The following KDM4B variants were observed in gnomAD, a reference collection of about 807,000 sequenced individuals.
KDM4B encodes lysine-specific demethylase 4B.
A neutral mutation model predicts 125.2 loss-of-function variants in KDM4B; 32 were observed. The ratio of observed to expected loss-of-function variants is 0.26; its 90% CI spans 0.19 to 0.34. The LOEUF (loss-of-function observed/expected upper bound fraction) is 0.34. Among genes scored for constraint, KDM4B ranks in the 10% least tolerant of loss-of-function variants. KDM4B has a pLI of 1.00. For missense variants in KDM4B, 1,190 were observed against 1,577.7 expected, an observed-to-expected ratio of 0.75 and a Z score of 4.16; for synonymous variants, 721 against 677.9, an observed-to-expected ratio of 1.06 and a Z score of -0.99.
chr19:5,091,570 T>G (rs111663449), intron 9 of KDM4B, among the ~76,000 whole-genome samples: 6 of 152,286 alleles, frequency 3.9e-5, no homozygotes, highest in African/African-American at 1.4e-4. Flanking sequence ...ACCAGGCCTC[T>G]CCTAAAACCC....
intron 1 of KDM4B, among the ~76,000 whole-genome samples, chr19:4,986,796 C>T (rs536917375): frequency 6.6e-6 from 1 of 152,298 alleles, no homozygotes; most frequent in East Asian, 1.9e-4. Context: ...GTGCGGAGGC[C>T]CCAAGGCGGA....
At chr19:5,017,676 C>T (rs1456548761) in intron 2 of KDM4B, among the ~76,000 whole-genome samples, 1 of 152,162 alleles carries the variant, frequency 6.6e-6, no homozygotes, top group African/African-American at 2.4e-5. Context: ...TTCTTTGTAC[C>T]CAAATTAACA....
At chr19:5,002,730 T>C (rs1381747950) in intron 1 of KDM4B, among the ~76,000 whole-genome samples, 1 of 151,974 alleles carries the variant, frequency 6.6e-6, no homozygotes, top group Admixed American at 6.6e-5. Context: ...GGAGGATCAC[T>C]TGAGCCCAGG....
At chr19:5,065,261 G>T (rs1158505704) in intron 6 of KDM4B, among the ~76,000 whole-genome samples, 1 of 152,330 alleles carries the variant, frequency 6.6e-6, no homozygotes, top group African/African-American at 2.4e-5. Flanking sequence ...GGCCTGGGCC[G>T]TGTGACCCCA....
chr19:5,081,490 G>A lies in KDM4B; in HGVS notation c.781-877G>A, dbSNP rs1016038060. On this transcript the variant is annotated intron_variant, in intron 8 of 22. Coordinates refer to ENST00000159111, the MANE Select transcript of KDM4B (RefSeq NM_015015.3). This position sits in a 1 kb window ranked among gnomAD's most constrained non-coding sequence, Gnocchi z 4.2. ...CCTGCCTTTTCTTCCAGACCTTGGG[G>A]TGGCTGTTGGGAAACCTTGGGTCTG... Among the ~76,000 whole-genome samples, 1 of 152,148 alleles carries A rather than the reference G, an allele frequency of 6.6e-6. No individual in the cohort carries two copies. The highest frequency in any genetic ancestry group is 1.5e-5 in the Non-Finnish European group (1 of 68,006).
chr19:5,072,858 T>C (rs772617133), intron 7 of KDM4B, among the ~76,000 whole-genome samples: 2 of 152,008 alleles, frequency 1.3e-5, no homozygotes, highest in Non-Finnish European at 2.9e-5. Context: ...CCTTTTCCAG[T>C]GTCTAGAGGC....
intron 1 of KDM4B, among the ~76,000 whole-genome samples, chr19:5,004,596 G>A (rs547947916): frequency 6.6e-5 from 10 of 152,300 alleles, no homozygotes; most frequent in South Asian, 2.1e-4. Flanking sequence ...GTGTGCTGCC[G>A]TGCACGTTTC....
At position 5,103,907 on chromosome 19, in the gene KDM4B, C is replaced by T. The variant is rs763567917; in HGVS notation, c.919-6715C>T. ...GGTGAAGATGGGGCACGGGGGTGCA[C>T]GGCCACCTCCTGTAGAACCAGGGCA... On this transcript the variant is annotated intron_variant, in intron 9 of 22. Transcript: ENST00000159111. Among the ~76,000 whole-genome samples the T allele has an allele frequency of 2.6e-4, 40 of 152,230 alleles. 1 individual carries two copies. The highest frequency in any genetic ancestry group is 2.5e-3 in the Admixed American group (38 of 15,286).
intron 8 of KDM4B, chr19:5,077,749 C>A (rs1307914361): frequency 4.9e-6 from 2 of 410,616 alleles, no homozygotes; most frequent in Non-Finnish European, 8.8e-6. Flanking sequence ...GGCCCCTCCG[C>A]AGGGGCTGCA....
intron 6 of KDM4B, among the ~76,000 whole-genome samples, chr19:5,067,345 T>G (rs2037804573): frequency 6.6e-6 from 1 of 152,206 alleles, no homozygotes; most frequent in African/African-American, 2.4e-5. Flanking sequence ...TCTTGACCTC[T>G]TCAGCTTCTT....
In KDM4B at chr19:5,153,222, C is replaced by G. The variant is rs1379548423; in HGVS notation, c.*1711C>G. 1 of 152,212 alleles carries G rather than the reference C, an allele frequency of 6.6e-6. No individual in the cohort carries two copies. The highest frequency in any genetic ancestry group is 1.5e-5 in the Non-Finnish European group (1 of 68,064). The allele number at this position is 152,212 out of a possible 1,614,324, so 9.4% of individuals were successfully genotyped here. On this transcript the variant is annotated 3_prime_UTR_variant, in exon 23 of 23. Transcript: ENST00000159111. ...CGGGGTCGGGGAGGTTGGGGGGTGTCAGCCAAAACGTGGAGGTGTCCCTCT... is the reference window on the plus strand; with the variant it reads ...CGGGGTCGGGGAGGTTGGGGGGTGTGAGCCAAAACGTGGAGGTGTCCCTCT...
intron 1 of KDM4B, among the ~76,000 whole-genome samples, chr19:4,985,715 T>C (rs1025449264): frequency 2.6e-5 from 4 of 152,224 alleles, no homozygotes; most frequent in Non-Finnish European, 4.4e-5. Flanking sequence ...GGTGAGCGGA[T>C]GAGCTGGTGC....
At position 5,087,742 on chromosome 19, in the gene KDM4B, C is replaced by T. The variant is rs114546093; in HGVS notation, c.918+5238C>T. Among the ~76,000 whole-genome samples, 226 of 152,310 alleles carry T rather than the reference C, an allele frequency of 1.5e-3. 1 individual carries two copies. The highest frequency in any genetic ancestry group is 3.8e-3 in the African/African-American group (158 of 41,556). ...AACTTAAGGCGGCTGAGCTCTGCAG[C>T]GGTCTGCAGCCTCGGTGTGCGACGT... On this transcript the variant is annotated intron_variant, in intron 9 of 22. Coordinates refer to ENST00000159111, the MANE Select transcript of KDM4B (RefSeq NM_015015.3).
intron 9 of KDM4B, among the ~76,000 whole-genome samples, chr19:5,103,350 CTATT>C (rs547264351): frequency 7.9e-4 from 121 of 152,364 alleles, no homozygotes; most frequent in African/African-American, 2.9e-3. Context: ...AAAAAGAAAT[CTATT>C]TATCTCTGCG....
In KDM4B at chr19:5,093,546, C is replaced by T. The variant is rs778722964; in HGVS notation, c.918+11042C>T. On this transcript the variant is annotated intron_variant, in intron 9 of 22. Transcript: ENST00000159111. ...GTTTGTTATCGGCCTCACTGCAGCG[C>T]TGATAATTACATCAGAAACAGGGGG... Among the ~76,000 whole-genome samples, 12 of 152,232 alleles carry T rather than the reference C, an allele frequency of 7.9e-5. No individual in the cohort carries two copies. In the South Asian group the frequency reaches 8.3e-4, roughly 10 times the overall value.
At chr19:5,070,417 T>G (rs1568274465) in intron 6 of KDM4B, among the ~76,000 whole-genome samples, 1 of 152,354 alleles carries the variant, frequency 6.6e-6, no homozygotes, top group South Asian at 2.1e-4. Flanking sequence ...TCTTATGTCT[T>G]TCTTATTCAT....
intron 9 of KDM4B, among the ~76,000 whole-genome samples, chr19:5,092,624 G>A (rs539467376): frequency 2.1e-4 from 32 of 152,226 alleles, no homozygotes; most frequent in Non-Finnish European, 3.8e-4. Context: ...AGCTGGTTCG[G>A]GGGCTGCAGC....
In KDM4B at chr19:5,110,697, C is replaced by A; in HGVS notation, c.994C>A (p.Leu332Met). 1.9e-6 allele frequency: 3 copies of A among 1,612,980 alleles called. No homozygotes were observed. Among genetic ancestry groups the A allele is most frequent in the Non-Finnish European group, 1.7e-6 (2 of 1,179,888 alleles). ...CATCCTGCAGCCCGAGCGCTACGAG[C>A]TGTGGAAGCAGGGCAAGGACCTCAC... ...VRILQPERYE[L>M]WKQGKDLTVL... The change falls in exon 10 of 23, where the codon CTG (leucine) becomes ATG (methionine). Residue 332 changes from leucine to methionine, a missense_variant. Coordinates refer to ENST00000159111, the MANE Select transcript of KDM4B (RefSeq NM_015015.3).
intron 9 of KDM4B, among the ~76,000 whole-genome samples, chr19:5,098,705 C>T (rs935199568): frequency 3.3e-5 from 5 of 152,056 alleles, no homozygotes; most frequent in Non-Finnish European, 7.4e-5. Flanking sequence ...GTGATGCCCT[C>T]ATTGATGGGA....
Sources: gnomAD v4.1 joint callset for allele counts (sites outside exome capture counted in the v4.1 genomes callset) on GRCh38, gnomAD v4.1.1 for gene constraint, Gnocchi (gnomAD v3.1) non-coding constraint, MANE v1.5 for transcripts, NCBI Gene and HGNC (gene_info 2026-07-23, HGNC 2026-07-21) for gene names.